Variants in SHANK2 observed in about 807,000 individuals in gnomAD.
SHANK2 encodes the protein SH3 and multiple ankyrin repeat domains protein 2.
SHANK2 carries 43 observed loss-of-function variants against 133.7 expected under a neutral mutation model. The observed-to-expected ratio is 0.32, with a 90% CI of 0.25 to 0.41. The LOEUF (loss-of-function observed/expected upper bound fraction) is 0.41, where lower values mean the gene tolerates loss of function less well. SHANK2 is among the 10% of genes least tolerant of loss of function. The probability of loss-of-function intolerance (pLI) is 1.00; values close to 1 mark genes in which losing one functional copy is unlikely to be tolerated. For synonymous variants in SHANK2, 1,017 were observed against 952.8 expected (o/e 1.07, Z -1.24); for missense variants, 1,994 against 2,235.8 (o/e 0.89, Z 2.18).
At chr11:70,548,647 C>T (rs2059726135) in intron 17 of SHANK2, among the ~76,000 whole-genome samples, 2 of 152,218 alleles carry the variant, frequency 1.3e-5, no homozygotes, top group Non-Finnish European at 2.9e-5. Context: ...AAGTGCTGAA[C>T]CCTGGCTGTT....
chr11:70,754,978 C>T (rs1555038420), intron 14 of SHANK2, among the ~76,000 whole-genome samples: 1 of 151,924 alleles, frequency 6.6e-6, no homozygotes, highest in Non-Finnish European at 1.5e-5. Context: ...GCTATGATTA[C>T]AAAATAATAA....
chr11:70,517,949 GGA>G (rs1335084690), intron 17 of SHANK2, among the ~76,000 whole-genome samples: 3 of 152,274 alleles, frequency 2.0e-5, no homozygotes, highest in African/African-American at 7.2e-5. Flanking sequence ...GGGAAAACAG[GGA>G]GAGATATAAG....
At chr11:71,171,744 C>T (rs1408754743) in intron 2 of SHANK2, among the ~76,000 whole-genome samples, 3 of 152,216 alleles carry the variant, frequency 2.0e-5, no homozygotes, top group African/African-American at 7.2e-5. Flanking sequence ...TACCGGGTTC[C>T]CAGGTGTTCC....
intron 15 of SHANK2, chr11:70,668,473 G>A (rs150947165): frequency 2.0e-5 from 3 of 152,544 alleles, no homozygotes; most frequent in Non-Finnish European, 2.9e-5. Flanking sequence ...TGGAGCCCCC[G>A]GAGGGAGCGT....
chr11:71,074,783 T>C lies in SHANK2; in HGVS notation c.1029+376A>G, dbSNP rs1203938047. On this transcript the variant is annotated intron_variant, in intron 9 of 25. Transcript: ENST00000601538. ...TGCTGACCTAAGCCAATTTTTTTTTTTTTTTTTTTTTTTTGAGACGGAGTC... is the reference window on the plus strand; with the variant it reads ...TGCTGACCTAAGCCAATTTTTTTTTCTTTTTTTTTTTTTTGAGACGGAGTC... 5.5e-5 allele frequency among the ~76,000 whole-genome samples: 8 copies of C among 146,124 alleles called. No homozygotes were observed. In the East Asian group the frequency reaches 8.0e-4, roughly 15 times the overall value.
At chr11:71,094,474 A>G (rs1181038992) in intron 7 of SHANK2, 63 bp downstream of exon 7, 2 of 1,493,626 alleles carry the variant, frequency 1.3e-6, no homozygotes, top group Non-Finnish European at 1.8e-6. Context: ...CGGGGATGGG[A>G]TGGGGCAGCC....
At chr11:70,772,751 GTA>G (rs1386025452) in intron 14 of SHANK2, among the ~76,000 whole-genome samples, 1 of 152,148 alleles carries the variant, frequency 6.6e-6, no homozygotes, top group African/African-American at 2.4e-5. Flanking sequence ...TACACCACCT[GTA>G]TATGTCCTAG....
intron 10 of SHANK2, among the ~76,000 whole-genome samples, chr11:70,949,171 G>T (rs1555086000): frequency 6.6e-6 from 1 of 152,230 alleles, no homozygotes. Context: ...GATTTGCTTG[G>T]TCACTCACAT....
In SHANK2 at chr11:70,485,608, A is replaced by G. The variant is rs782644257; in HGVS notation, c.4685T>C (p.Leu1562Pro). Reference protein sequence around the residue: ...MKPIIHKSNALYQDALVEEDV... With the variant: ...MKPIIHKSNAPYQDALVEEDV... ...TTCTTCCACGAGCGCGTCTTGATAA[A>G]GTGCATTGCTTTTGTGAATGATGGG... The change falls in exon 25 of 26, where the codon CTT (leucine) becomes CCT (proline). Residue 1562 changes from leucine to proline, a missense_variant. Physicochemically the swap from Leu to Pro is moderately conservative, Grantham distance 98 (BLOSUM62 -3). Transcript: ENST00000601538. The surrounding 1 kb of genome is among the most constrained non-coding windows in gnomAD (Gnocchi z 5.8). 1.9e-6 allele frequency: 3 copies of G among 1,613,876 alleles called. No individual in the cohort carries two copies.
intron 14 of SHANK2, among the ~76,000 whole-genome samples, chr11:70,787,167 C>G (rs1198977833): frequency 1.4e-5 from 2 of 145,772 alleles, no homozygotes; most frequent in Non-Finnish European, 3.0e-5. Flanking sequence ...ATCACCACCA[C>G]CAGCATGACC....
intron 14 of SHANK2, among the ~76,000 whole-genome samples, chr11:70,795,930 C>G (rs1947900113): frequency 6.6e-6 from 1 of 152,184 alleles, no homozygotes. Flanking sequence ...AGACTCACAC[C>G]CGCATCAGCC....
intron 15 of SHANK2, among the ~76,000 whole-genome samples, chr11:70,686,147 C>A (rs1281586637): frequency 1.3e-5 from 2 of 150,838 alleles, no homozygotes; most frequent in African/African-American, 4.9e-5. Flanking sequence ...TCCACACACC[C>A]ATCCAGCTCC....
rs147691677 is a variant in SHANK2, at chr11:70,564,673, A to G, written c.2062-61742T>C. On this transcript the variant is annotated intron_variant, in intron 17 of 25. Coordinates refer to ENST00000601538, the MANE Select transcript of SHANK2 (RefSeq NM_012309.5). ...GCAGCTCACTGACTGATGTTCTTTT[A>G]AAAAGAATTCTTTTTTTTTCTCTGT... Among the ~76,000 whole-genome samples the G allele has an allele frequency of 3.1e-3, 469 of 152,022 alleles. 4 individuals are homozygous for G. The highest frequency in any genetic ancestry group is 0.011 in the African/African-American group (441 of 41,442).
chr11:71,192,347 A>G (rs1555115565), intron 2 of SHANK2, among the ~76,000 whole-genome samples: 1 of 152,194 alleles, frequency 6.6e-6, no homozygotes, highest in African/African-American at 2.4e-5. Context: ...TCTGTTCTTC[A>G]TGACCTGTGG....
chr11:70,490,323 G>A lies in SHANK2; in HGVS notation c.2504C>T (p.Pro835Leu), dbSNP rs770951995. The change falls in exon 23 of 26, where the codon CCG (proline) becomes CTG (leucine). Residue 835 changes from proline to leucine, a missense_variant. Pro to Leu is a moderately conservative substitution (Grantham distance 98). Around this residue, in one of 5 missense-constraint regions of SHANK2, gnomAD observed 488 missense variants for 642.6 expected, o/e 0.76. Transcript: ENST00000601538. ...CGTACCTCGAGGGATGCCCAGAAACGGGGCTTTTGGGCTCCCAGGAACAGT... is the reference window on the plus strand; with the variant it reads ...CGTACCTCGAGGGATGCCCAGAAACAGGGCTTTTGGGCTCCCAGGAACAGT... ...TPTVPGSPKA[P>L]FLGIPRGTMR... The A allele has an allele frequency of 4.3e-6, 7 of 1,614,050 alleles. No homozygotes were observed. The highest frequency in any genetic ancestry group is 4.0e-5 in the African/African-American group (3 of 74,920).
intron 14 of SHANK2, among the ~76,000 whole-genome samples, chr11:70,743,376 G>C (rs1272150786): frequency 3.3e-5 from 5 of 152,216 alleles, no homozygotes; most frequent in East Asian, 3.9e-4. Flanking sequence ...GTCTTTGCGA[G>C]AATAGACGCC....
chr11:70,786,887 C>T (rs1947665634), intron 14 of SHANK2, among the ~76,000 whole-genome samples: 1 of 152,058 alleles, frequency 6.6e-6, no homozygotes, highest in Admixed American at 6.5e-5. Flanking sequence ...CACATCACTA[C>T]CACCATCAAT....
chr11:71,057,939 G>A (rs1469707354), intron 9 of SHANK2, among the ~76,000 whole-genome samples: 2 of 139,746 alleles, frequency 1.4e-5, no homozygotes, highest in Non-Finnish European at 1.5e-5. Flanking sequence ...TTTGAGACAG[G>A]GTCTCAGTCT....
chr11:71,108,413 T>C (rs1951834234), intron 6 of SHANK2, among the ~76,000 whole-genome samples: 1 of 152,158 alleles, frequency 6.6e-6, no homozygotes, highest in Non-Finnish European at 1.5e-5. Context: ...GCCCCACAGC[T>C]GAGGGCCACT....
Sources: allele counts gnomAD v4.1 joint callset (sites outside exome capture counted in the v4.1 genomes callset), GRCh38; gene constraint gnomAD v4.1.1; regional missense constraint gnomAD v4.1.1; non-coding constraint Gnocchi (gnomAD v3.1); transcripts MANE v1.5; gene names NCBI Gene and HGNC (gene_info 2026-07-23, HGNC 2026-07-21).